CDH18: variants seen among roughly 807,000 people sequenced by gnomAD.
CDH18 encodes the protein cadherin 18.
In CDH18, 31 loss-of-function variants were observed where a neutral mutation model predicts 67.9. The observed-to-expected ratio is 0.46, with a 90% CI of 0.34 to 0.62. The LOEUF is 0.62. CDH18 is among the 20% of genes least tolerant of loss of function. The pLI, the probability that CDH18 is intolerant of heterozygous loss-of-function variation, is 0.01. For synonymous variants in CDH18, 362 were observed against 347.2 expected, an observed-to-expected ratio of 1.04 and a Z score of -0.48; for missense variants, 890 against 975.5, an observed-to-expected ratio of 0.91 and a Z score of 1.17.
At chr5:20,547,954 A>G (rs923963039) in intron 1 of CDH18, among the ~76,000 whole-genome samples, 3 of 152,012 alleles carry the variant, frequency 2.0e-5, no homozygotes, top group African/African-American at 7.2e-5. Context: ...TATAGGTATT[A>G]AATCTTATAT....
chr5:19,669,125 T>C (rs547331715), intron 5 of CDH18, among the ~76,000 whole-genome samples: 1 of 146,964 alleles, frequency 6.8e-6, no homozygotes, highest in South Asian at 2.1e-4. Context: ...TAATATATAT[T>C]ATATAATATA....
chr5:19,506,079 CA>C (rs1744107409), intron 10 of CDH18, among the ~76,000 whole-genome samples: 1 of 151,644 alleles, frequency 6.6e-6, no homozygotes, highest in African/African-American at 2.4e-5. Flanking sequence ...TTATCCATTT[CA>C]AATCAATGTG....
chr5:19,960,629 G>A (rs139315079), intron 2 of CDH18, among the ~76,000 whole-genome samples: 11,401 of 128,388 alleles, frequency 0.089, 2,001 homozygotes, highest in African/African-American at 0.34. Context: ...ATATACACGT[G>A]TATATGTATA....
At chr5:19,658,442 A>AGGAGAATAACAGTATTCT (rs1263706551) in intron 5 of CDH18, among the ~76,000 whole-genome samples, 1 of 152,110 alleles carries the variant, frequency 6.6e-6, no homozygotes, top group Non-Finnish European at 1.5e-5. Context: ...AAACTCTAAA[A>AGGAGAATAACAGTATTCT]GGAGAATAAC....
intron 5 of CDH18, among the ~76,000 whole-genome samples, chr5:19,613,057 A>T (rs1749254841): frequency 6.6e-6 from 1 of 152,150 alleles, no homozygotes; most frequent in South Asian, 2.1e-4. Flanking sequence ...AGGCAGGAGA[A>T]TCGCTTGAAC....
At chr5:20,023,985 TGG>T (rs879488069) in intron 2 of CDH18, among the ~76,000 whole-genome samples, 18 of 152,318 alleles carry the variant, frequency 1.2e-4, no homozygotes, top group Non-Finnish European at 2.1e-4. Flanking sequence ...CAGTAGAGTC[TGG>T]GAAATGCAGT....
intron 3 of CDH18, among the ~76,000 whole-genome samples, chr5:19,837,694 G>A (rs1283728290): frequency 6.6e-5 from 10 of 152,090 alleles, no homozygotes. Context: ...ACAAGGGGTG[G>A]AACAGATGGC....
chr5:19,866,067 A>T (rs952588062), intron 2 of CDH18, among the ~76,000 whole-genome samples: 4 of 152,112 alleles, frequency 2.6e-5, no homozygotes, highest in Admixed American at 2.0e-4. Context: ...ACAACAACAA[A>T]AGCCCTGCTC....
intron 1 of CDH18, among the ~76,000 whole-genome samples, chr5:20,348,267 G>T (rs767971280): frequency 2.0e-5 from 3 of 152,074 alleles, no homozygotes; most frequent in African/African-American, 4.8e-5. Flanking sequence ...ACAACAAAGA[G>T]ACATCCATTA....
At chr5:19,662,682 T>C (rs770256271) in intron 5 of CDH18, among the ~76,000 whole-genome samples, 3 of 152,020 alleles carry the variant, frequency 2.0e-5, no homozygotes, top group Admixed American at 6.6e-5. Flanking sequence ...ATCTGGCCTA[T>C]TTTTCTGTAT....
chr5:19,808,322 AAAAAAAC>A (rs1360190794), intron 3 of CDH18, among the ~76,000 whole-genome samples: 3 of 151,384 alleles, frequency 2.0e-5, no homozygotes, highest in East Asian at 2.0e-4. Flanking sequence ...CAACAACAAA[AAAAAAAC>A]AAAAATAAAA....
At chr5:20,403,502 T>A (rs556869023) in intron 1 of CDH18, among the ~76,000 whole-genome samples, 1 of 152,334 alleles carries the variant, frequency 6.6e-6, no homozygotes, top group Non-Finnish European at 1.5e-5. Flanking sequence ...TCAATAGACA[T>A]GAAAACAACA....
At chr5:20,358,959 T>C (rs1741861521) in intron 1 of CDH18, among the ~76,000 whole-genome samples, 1 of 142,608 alleles carries the variant, frequency 7.0e-6, no homozygotes, top group Non-Finnish European at 1.5e-5. Context: ...TGAGACGGAG[T>C]TTCACTCTTG....
chr5:20,476,849 A>G (rs540266201), intron 1 of CDH18, among the ~76,000 whole-genome samples: 19 of 152,320 alleles, frequency 1.2e-4, no homozygotes, highest in African/African-American at 4.6e-4. Context: ...ATTATAATTT[A>G]TATTACAAGG....
chr5:19,598,141 T>C (rs1580413013), intron 6 of CDH18, among the ~76,000 whole-genome samples: 1 of 152,308 alleles, frequency 6.6e-6, no homozygotes. Context: ...CCTTCCCTGG[T>C]TGTATCACTA....
At chr5:20,253,765 T>G (rs1744032442) in intron 2 of CDH18, among the ~76,000 whole-genome samples, 1 of 152,160 alleles carries the variant, frequency 6.6e-6, no homozygotes, top group Non-Finnish European at 1.5e-5. Context: ...AGAACAAATC[T>G]ATGACCCATT....
intron 1 of CDH18, among the ~76,000 whole-genome samples, chr5:20,310,977 A>G (rs1376716619): frequency 6.6e-6 from 1 of 152,194 alleles, no homozygotes; most frequent in Non-Finnish European, 1.5e-5. Context: ...TGAGTCTTCA[A>G]TCCCTATATT....
chr5:19,734,607 A>C (rs1440152098), intron 4 of CDH18, among the ~76,000 whole-genome samples: 1 of 152,184 alleles, frequency 6.6e-6, no homozygotes, highest in African/African-American at 2.4e-5. Context: ...CAATTTAATA[A>C]GTTGTCCAGG....
At chr5:19,741,314 T>C (rs1769173934) in intron 4 of CDH18, among the ~76,000 whole-genome samples, 2 of 117,266 alleles carry the variant, frequency 1.7e-5, no homozygotes, top group South Asian at 3.2e-4. Context: ...CATATATACA[T>C]GTGTATATAC....
Sources: allele counts gnomAD v4.1 joint callset (sites outside exome capture counted in the v4.1 genomes callset), GRCh38; gene constraint gnomAD v4.1.1; transcripts MANE v1.5; gene names NCBI Gene and HGNC (gene_info 2026-07-23, HGNC 2026-07-21).